The following DOCK3 variants were observed in gnomAD, a reference collection of about 807,000 sequenced individuals.
The protein encoded by DOCK3 is dedicator of cytokinesis 3, also known as dedicator of cytokinesis protein 3.
Under a neutral mutation model 265.6 loss-of-function variants are expected in DOCK3, and 60 were observed. The observed-to-expected ratio is 0.23, with a 90% CI of 0.18 to 0.28. DOCK3 has a LOEUF of 0.28. Among genes scored for constraint, DOCK3 ranks in the 10% least tolerant of loss-of-function variants. The pLI is 1.00. For missense variants in DOCK3, 1,981 were observed against 2,594.3 expected, an observed-to-expected ratio of 0.76 and a Z score of 5.14; for synonymous variants, 881 against 938.0, an observed-to-expected ratio of 0.94 and a Z score of 1.11.
At chr3:51,016,544 T>G (rs2079257941) in intron 5 of DOCK3, among the ~76,000 whole-genome samples, 1 of 16,082 alleles carries the variant, frequency 6.2e-5, no homozygotes. Flanking sequence ...ATGATATATA[T>G]ATTTATATAT....
At chr3:51,016,960 T>TA (rs1553734355) in intron 5 of DOCK3, among the ~76,000 whole-genome samples, 2 of 106,888 alleles carry the variant, frequency 1.9e-5, no homozygotes, top group African/African-American at 7.6e-5. Context: ...AATATATATA[T>TA]TATATATATA....
intron 9 of DOCK3, among the ~76,000 whole-genome samples, chr3:51,105,841 G>T (rs895118833): frequency 6.6e-6 from 1 of 152,114 alleles, no homozygotes; most frequent in African/African-American, 2.4e-5. Flanking sequence ...TTCTGCATGG[G>T]GCTACCATGC....
chr3:51,054,492 T>G (rs1250199660), intron 5 of DOCK3, among the ~76,000 whole-genome samples: 3 of 152,212 alleles, frequency 2.0e-5, no homozygotes, highest in African/African-American at 7.2e-5. Context: ...TCTTTTAGCC[T>G]AAAAGCTAAT....
At chr3:50,987,788 C>T (rs979041892) in intron 5 of DOCK3, among the ~76,000 whole-genome samples, 1 of 152,138 alleles carries the variant, frequency 6.6e-6, no homozygotes, top group Non-Finnish European at 1.5e-5. Context: ...ATGTGCAACC[C>T]TGGGAAACTC....
chr3:51,180,617 C>A (rs2087234657), intron 12 of DOCK3, among the ~76,000 whole-genome samples: 1 of 152,028 alleles, frequency 6.6e-6, no homozygotes, highest in Admixed American at 6.6e-5. Flanking sequence ...GGATTTAGGG[C>A]CCACCCAGAT....
At chr3:51,091,631 C>T (rs189455752) in intron 9 of DOCK3, among the ~76,000 whole-genome samples, 25 of 134,962 alleles carry the variant, frequency 1.9e-4, no homozygotes, top group Non-Finnish European at 3.5e-4. Context: ...TGCACTGAGC[C>T]GGGATGGTGC....
In DOCK3 at chr3:51,356,915, G is replaced by A. The variant is rs773009641; in HGVS notation, c.4504-47G>A. 4.5e-6 allele frequency: 7 copies of A among 1,554,532 alleles called. No individual in the cohort carries two copies. In the South Asian group the frequency reaches 6.1e-5, roughly 14 times the overall value. On this transcript the variant is annotated intron_variant, in intron 43 of 52. Coordinates refer to ENST00000266037, the MANE Select transcript of DOCK3 (RefSeq NM_004947.5). ...CCCCAGCTCTCAGGAAGATGATGAGGGGTTATCATCATTTCTGGGATGACT... is the reference window on the plus strand; with the variant it reads ...CCCCAGCTCTCAGGAAGATGATGAGAGGTTATCATCATTTCTGGGATGACT...
chr3:50,798,938 A>G (rs2042930310), intron 2 of DOCK3, among the ~76,000 whole-genome samples: 1 of 152,178 alleles, frequency 6.6e-6, no homozygotes, highest in African/African-American at 2.4e-5. Context: ...TGTTCTGCAT[A>G]TGGATATCCA....
chr3:50,711,071 A>G (rs2036733036), intron 1 of DOCK3, among the ~76,000 whole-genome samples: 1 of 152,170 alleles, frequency 6.6e-6, no homozygotes, highest in South Asian at 2.1e-4. Context: ...CTTACCATAT[A>G]ATCAAGAACC....
intron 12 of DOCK3, among the ~76,000 whole-genome samples, chr3:51,191,899 A>G (rs2087970438): frequency 6.6e-6 from 1 of 151,464 alleles, no homozygotes; most frequent in Non-Finnish European, 1.5e-5. Context: ...CCCTTGTTGT[A>G]TAAGTAGTTT....
At chr3:50,765,283 C>T (rs2040805615) in intron 1 of DOCK3, among the ~76,000 whole-genome samples, 1 of 148,824 alleles carries the variant, frequency 6.7e-6, no homozygotes, top group African/African-American at 2.5e-5. Context: ...AGGGTTTTAC[C>T]ATGTTGGCCA....
At chr3:50,901,901 G>A (rs151055232) in intron 4 of DOCK3, among the ~76,000 whole-genome samples, 188 of 152,228 alleles carry the variant, frequency 1.2e-3, no homozygotes, top group Non-Finnish European at 2.1e-3. Flanking sequence ...GCTGCAGACC[G>A]GAGCTGTTCC....
intron 1 of DOCK3, among the ~76,000 whole-genome samples, chr3:50,735,591 G>T (rs1046518703): frequency 1.1e-4 from 16 of 152,142 alleles, no homozygotes; most frequent in South Asian, 2.1e-4. Context: ...GCCTGCCTCG[G>T]CCTCCCAAAG....
intron 26 of DOCK3, chr3:51,278,003 A>T: frequency 1.0e-6 from 1 of 985,370 alleles, no homozygotes; most frequent in African/African-American, 1.7e-5. Flanking sequence ...TTTCCTGCAT[A>T]CTTTGAGCCA....
At chr3:50,928,135 AT>A (rs1224963976) in intron 4 of DOCK3, among the ~76,000 whole-genome samples, 3 of 114,424 alleles carry the variant, frequency 2.6e-5, no homozygotes, top group Non-Finnish European at 4.8e-5. Flanking sequence ...GATGATATAT[AT>A]ATATATATAT....
At chr3:50,722,594 GA>G (rs2037541318) in intron 1 of DOCK3, among the ~76,000 whole-genome samples, 1 of 152,116 alleles carries the variant, frequency 6.6e-6, no homozygotes, top group Non-Finnish European at 1.5e-5. Context: ...TGCCATGAAG[GA>G]GGATAAAGCG....
chr3:51,124,841 G>A (rs574151299), intron 9 of DOCK3, among the ~76,000 whole-genome samples: 29 of 152,082 alleles, frequency 1.9e-4, no homozygotes, highest in African/African-American at 7.0e-4. Flanking sequence ...TAAAAGTAAT[G>A]CCATAAGGCT....
Position 51,271,021 on chromosome 3 carries a change from G to T in DOCK3, c.2548+14G>T, listed in dbSNP as rs201785476. ...TTTCTTTCTCAGGTAAATCAAGTTG[G>T]GATGAGAGTCCTCCTTCCTTCCAGG... On this transcript the variant is annotated intron_variant, in intron 24 of 52. Coordinates refer to ENST00000266037, the MANE Select transcript of DOCK3 (RefSeq NM_004947.5). 1.5e-4 allele frequency: 244 copies of T among 1,606,488 alleles called. No homozygotes were observed. The highest frequency in any genetic ancestry group is 1.8e-5 in the Non-Finnish European group (21 of 1,176,156).
In DOCK3 at chr3:51,297,728, A is replaced by C. The variant is rs550383414; in HGVS notation, c.2923-12504A>C. 2.0e-5 allele frequency among the ~76,000 whole-genome samples: 3 copies of C among 152,210 alleles called. No individual in the cohort carries two copies. The East Asian group carries it at 5.8e-4, about 29-fold the overall frequency. On this transcript the variant is annotated intron_variant, in intron 27 of 52. Transcript: ENST00000266037. ...TCAAGTCAGGAGGCATTAAGTCAGG[A>C]GTTGGAGACAAGCCTGGGCAATAGA...
Sources: allele counts gnomAD v4.1 joint callset (sites outside exome capture counted in the v4.1 genomes callset), GRCh38; gene constraint gnomAD v4.1.1; transcripts MANE v1.5; gene names NCBI Gene and HGNC (gene_info 2026-07-23, HGNC 2026-07-21).